ZMAT4: variants seen among roughly 807,000 people sequenced by gnomAD.
ZMAT4 encodes zinc finger matrin-type 4.
A neutral mutation model predicts 28.7 loss-of-function variants in ZMAT4; 17 were observed. The ratio of observed to expected loss-of-function variants is 0.59; its 90% CI spans 0.41 to 0.89. The LOEUF is 0.89. Among genes scored for constraint, ZMAT4 ranks in the 40% least tolerant of loss-of-function variants. The pLI, the probability that ZMAT4 is intolerant of heterozygous loss-of-function variation, is 0.00. For missense variants in ZMAT4, 240 were observed against 283.8 expected, an observed-to-expected ratio of 0.85 and a Z score of 1.11; for synonymous variants, 117 against 109.2, an observed-to-expected ratio of 1.07 and a Z score of -0.44.
intron 4 of ZMAT4, among the ~76,000 whole-genome samples, chr8:40,688,475 A>G (rs1383192002): frequency 3.9e-5 from 6 of 152,110 alleles, no homozygotes; most frequent in Non-Finnish European, 7.4e-5. Flanking sequence ...AATAAAAATA[A>G]AAACAAAATA....
chr8:40,758,651 T>C (rs1812795274), intron 3 of ZMAT4, among the ~76,000 whole-genome samples: 1 of 151,984 alleles, frequency 6.6e-6, no homozygotes, highest in Non-Finnish European at 1.5e-5. Context: ...AAATACTAAA[T>C]AGAAAGAAGA....
intron 3 of ZMAT4, among the ~76,000 whole-genome samples, chr8:40,761,539 A>T (rs1812937854): frequency 6.6e-6 from 1 of 152,208 alleles, no homozygotes. Flanking sequence ...CACTTCTCTG[A>T]TCATCAACTT....
chr8:40,741,169 G>A (rs926447625), intron 3 of ZMAT4, among the ~76,000 whole-genome samples: 3 of 152,138 alleles, frequency 2.0e-5, no homozygotes, highest in Admixed American at 6.6e-5. Flanking sequence ...CATTGGCCGG[G>A]CATGGTGGCT....
intron 1 of ZMAT4, among the ~76,000 whole-genome samples, chr8:40,853,058 T>C (rs1817169013): frequency 6.6e-6 from 1 of 152,178 alleles, no homozygotes; most frequent in Non-Finnish European, 1.5e-5. Flanking sequence ...CCATGGTTTG[T>C]CTACCAGTCA....
At chr8:40,786,602 T>A (rs988574937) in intron 2 of ZMAT4, 1 of 986,358 alleles carries the variant, frequency 1.0e-6, no homozygotes, top group Non-Finnish European at 1.3e-6. Flanking sequence ...CACGTTCTGG[T>A]TATTCTCTTG....
intron 1 of ZMAT4, among the ~76,000 whole-genome samples, chr8:40,867,346 G>A (rs1053231926): frequency 4.3e-4 from 65 of 152,276 alleles, no homozygotes; most frequent in African/African-American, 1.3e-3. Context: ...GCAGCTGGTG[G>A]GTTGCAGGTT....
chr8:40,842,333 C>T (rs934570832), intron 1 of ZMAT4, among the ~76,000 whole-genome samples: 3 of 152,224 alleles, frequency 2.0e-5, no homozygotes, highest in Non-Finnish European at 4.4e-5. Flanking sequence ...GACTCCAAAT[C>T]CGGGGGTCTT....
rs1353693727 is a variant in ZMAT4, at chr8:40,640,073, T to C, written c.577+34631A>G. On this transcript the variant is annotated intron_variant, in intron 5 of 6. Transcript: ENST00000297737. ...TTCACTGTAGCCTCAAACCCCTGGG[T>C]TCAAGTAATCCTCCCACCTCAGCCT... Among the ~76,000 whole-genome samples, 3 of 152,034 alleles carry C rather than the reference T, an allele frequency of 2.0e-5. No individual in the cohort carries two copies. The East Asian group carries it at 5.8e-4, about 29-fold the overall frequency.
At chr8:40,855,203 CAGG>C (rs1461081965) in intron 1 of ZMAT4, among the ~76,000 whole-genome samples, 1 of 152,118 alleles carries the variant, frequency 6.6e-6, no homozygotes, top group African/African-American at 2.4e-5. Context: ...GTGTCCAGAC[CAGG>C]AGCCATTTGA....
chr8:40,892,637 T>C (rs1751854840), intron 1 of ZMAT4, among the ~76,000 whole-genome samples: 2 of 152,230 alleles, frequency 1.3e-5, no homozygotes, highest in Admixed American at 6.5e-5. Flanking sequence ...ACTTGGGACA[T>C]GGAGGACCTG....
chr8:40,601,578 GA>G (rs1247163335), intron 5 of ZMAT4, among the ~76,000 whole-genome samples: 3 of 6,444 alleles, frequency 4.7e-4, no homozygotes, highest in Non-Finnish European at 4.2e-4. Context: ...AAGAAAGAAA[GA>G]AAGAAAGAAA....
At chr8:40,640,810 A>G (rs1241183277) in intron 5 of ZMAT4, among the ~76,000 whole-genome samples, 2 of 151,866 alleles carry the variant, frequency 1.3e-5, no homozygotes, top group Non-Finnish European at 2.9e-5. Context: ...AAATACAAAA[A>G]TTAGCGGGCA....
chr8:40,755,657 T>G (rs982542530), intron 3 of ZMAT4, among the ~76,000 whole-genome samples: 22 of 152,168 alleles, frequency 1.4e-4, no homozygotes, highest in African/African-American at 5.1e-4. Flanking sequence ...TTCTCCATGT[T>G]GTCCACTCTG....
intron 3 of ZMAT4, among the ~76,000 whole-genome samples, chr8:40,703,803 C>A (rs1048937613): frequency 2.0e-5 from 3 of 152,164 alleles, no homozygotes; most frequent in Non-Finnish European, 2.9e-5. Context: ...TAAATGATTT[C>A]AAAAGCCCAA....
intron 2 of ZMAT4, among the ~76,000 whole-genome samples, chr8:40,810,052 C>A (rs1409280731): frequency 6.6e-6 from 1 of 151,946 alleles, no homozygotes; most frequent in African/African-American, 2.4e-5. Flanking sequence ...TTAAAACAAA[C>A]AAACAAACAA....
intron 2 of ZMAT4, among the ~76,000 whole-genome samples, chr8:40,773,218 T>C (rs112701326): frequency 2.3e-4 from 35 of 152,258 alleles, no homozygotes; most frequent in African/African-American, 7.7e-4. Context: ...ATGGGTCAAC[T>C]AAAACTCTAG....
intron 1 of ZMAT4, among the ~76,000 whole-genome samples, chr8:40,828,700 G>C (rs1362365614): frequency 1.3e-5 from 2 of 152,162 alleles, no homozygotes; most frequent in Admixed American, 1.3e-4. Flanking sequence ...TGGAATATCT[G>C]AACAAGTCAC....
intron 1 of ZMAT4, among the ~76,000 whole-genome samples, chr8:40,829,409 G>A (rs1816194593): frequency 6.6e-6 from 1 of 152,214 alleles, no homozygotes; most frequent in African/African-American, 2.4e-5. Flanking sequence ...CTAGAGCAGG[G>A]AGTCTGGTCA....
rs894584035 is a variant in ZMAT4 at position 40,546,117 on chromosome 8, C to T, written c.675-13879G>A. Reference sequence around the variant, plus strand: ...AGTAAGAGTAGCTGGAGGAAAACAACGCAAAGCAAACCACAAGGCACAGTA... The same window carrying T: ...AGTAAGAGTAGCTGGAGGAAAACAATGCAAAGCAAACCACAAGGCACAGTA... On this transcript the variant is annotated intron_variant, in intron 6 of 6. Transcript: ENST00000297737. Among the ~76,000 whole-genome samples the T allele has an allele frequency of 5.9e-5, 9 of 152,000 alleles. No homozygotes were observed. The East Asian group carries it at 9.7e-4, about 16-fold the overall frequency.
Sources: allele counts gnomAD v4.1 joint callset (sites outside exome capture counted in the v4.1 genomes callset), GRCh38; gene constraint gnomAD v4.1.1; transcripts MANE v1.5; gene names NCBI Gene and HGNC (gene_info 2026-07-23, HGNC 2026-07-21).